PRH1: variants seen among roughly 807,000 people sequenced by gnomAD.
PRH1 encodes salivary acidic proline-rich phosphoprotein 1/2.
Under a neutral mutation model 7.9 loss-of-function variants are expected in PRH1, and 7 were observed. The observed-to-expected ratio is 0.89, with a 90% CI of 0.50 to 1.67. PRH1 has a LOEUF of 1.67. Among genes scored for constraint, PRH1 ranks in the 40% most tolerant of loss-of-function variants. The pLI is 0.00. For missense variants in PRH1, 109 were observed against 223.6 expected (o/e 0.49, Z 3.27); for synonymous variants, 45 against 80.8 (o/e 0.56, Z 2.38).
rs1943651386 is a variant in PRH1 at position 11,062,418 on chromosome 12, T to G, written n.124-15230A>C. 7 of 1,282,550 alleles carry G rather than the reference T, an allele frequency of 5.5e-6. No homozygotes were observed. In the South Asian group the frequency reaches 1.2e-4, roughly 22 times the overall value. The allele number at this position is 1,282,550 out of a possible 1,614,324, so 79.4% of individuals were successfully genotyped here. ...TGTGTATGTGCTGTGACATTCTTTT[T>G]ACTTTTAATTGCTGTGACCAGTGTC... On this transcript the variant is annotated intron_variant and non_coding_transcript_variant, in intron 1 of 4. Coordinates refer to the PRH1 transcript ENST00000541977.
Position 10,938,433 on chromosome 12 carries a change from C to T in PRH1, c.-59+35222G>A, listed in dbSNP as rs988801665. ...ACCTGGGAAAGAATAATTAGATTTT[C>T]CTCCAACCTTTCAGAGGTCCAAACT... On this transcript the variant is annotated intron_variant, in intron 2 of 3. Coordinates refer to the PRH1 transcript ENST00000539853. 7 of 1,613,884 alleles carry T rather than the reference C, an allele frequency of 4.3e-6. No homozygotes were observed. In the African/African-American group the frequency reaches 9.3e-5, roughly 22 times the overall value.
At chr12:10,900,480 A>G (rs1221382690) in intron 2 of PRH1, among the ~76,000 whole-genome samples, 1 of 151,806 alleles carries the variant, frequency 6.6e-6, no homozygotes, top group African/African-American at 2.4e-5. Context: ...CACCTGCTTT[A>G]GAGCAGGGTG....
chr12:10,937,266 G>C (rs1183303696), intron 2 of PRH1: 1 of 150,888 alleles, frequency 6.6e-6, no homozygotes, highest in Non-Finnish European at 1.5e-5. Flanking sequence ...GTATGAATAT[G>C]TATATTGTAT....
At position 11,123,606 on chromosome 12, in the gene PRH1, A is replaced by T. The variant is rs1945992676; in HGVS notation, n.40-2426T>A. On this transcript the variant is annotated intron_variant and non_coding_transcript_variant, in intron 1 of 1. Transcript: ENST00000541175. Reference sequence around the variant, plus strand: ...TGTTCAACTTTGTATTTTCAGTACAACTTTGTATTTTCTCTTGCTCTATTT... The same window carrying T: ...TGTTCAACTTTGTATTTTCAGTACATCTTTGTATTTTCTCTTGCTCTATTT... Among the ~76,000 whole-genome samples the T allele has an allele frequency of 2.0e-5, 3 of 152,066 alleles. No individual in the cohort carries two copies. The South Asian group carries it at 6.2e-4, about 32-fold the overall frequency.
At chr12:11,124,128 A>G (rs2136332524) in intron 1 of PRH1, among the ~76,000 whole-genome samples, 1 of 149,796 alleles carries the variant, frequency 6.7e-6, no homozygotes, top group Middle Eastern at 3.4e-3. Context: ...TTGGGATAGT[A>G]GCTTGTCTTG....
intron 1 of PRH1, chr12:11,077,157 CAT>C (rs1247041528): frequency 9.5e-6 from 1 of 104,756 alleles, no homozygotes; most frequent in East Asian, 2.4e-4. Context: ...CACATGCACA[CAT>C]ATACAACCAT....
At chr12:11,056,723 C>T (rs1245622628) in intron 1 of PRH1, among the ~76,000 whole-genome samples, 1 of 152,026 alleles carries the variant, frequency 6.6e-6, no homozygotes, top group African/African-American at 2.4e-5. Context: ...ATGGCTGCAG[C>T]AAAAGAATCA....
chr12:10,944,941 G>T (rs925194599), intron 2 of PRH1, among the ~76,000 whole-genome samples: 2 of 152,086 alleles, frequency 1.3e-5, no homozygotes, highest in East Asian at 3.8e-4. Flanking sequence ...TTTTTGATGG[G>T]CTTGTGGATT....
intron 2 of PRH1, among the ~76,000 whole-genome samples, chr12:10,945,421 A>T (rs147049106): frequency 0.015 from 2,306 of 152,264 alleles, 21 homozygotes; most frequent in South Asian, 0.031. Flanking sequence ...GAGACATCAC[A>T]TGTTGGCAGG....
At chr12:10,943,520 T>C (rs1190953616) in intron 2 of PRH1, among the ~76,000 whole-genome samples, 1 of 152,160 alleles carries the variant, frequency 6.6e-6, no homozygotes, top group Non-Finnish European at 1.5e-5. Flanking sequence ...ATTCTGTAGG[T>C]TGTCGATTTA....
At chr12:10,914,355 A>T (rs718111) in intron 2 of PRH1, among the ~76,000 whole-genome samples, 74,670 of 152,066 alleles carry the variant, frequency 0.49, 20,774 homozygotes, top group East Asian at 0.72. Flanking sequence ...ATGAGAATAC[A>T]TGTGCCATAG....
intron 2 of PRH1, among the ~76,000 whole-genome samples, chr12:10,903,450 T>A (rs1317141120): frequency 6.6e-6 from 1 of 151,992 alleles, no homozygotes; most frequent in South Asian, 2.1e-4. Flanking sequence ...GGACAGATCA[T>A]TGAGGCAGAA....
At chr12:10,980,833 T>G (rs1382279124) in intron 1 of PRH1, among the ~76,000 whole-genome samples, 1 of 152,034 alleles carries the variant, frequency 6.6e-6, no homozygotes, top group Non-Finnish European at 1.5e-5. Flanking sequence ...TAAACTATAT[T>G]CAGTACTGCT....
rs546548820 is a variant in PRH1 at position 11,092,294 on chromosome 12, T to G, written n.124-45106A>C. 7.7e-5 allele frequency: 84 copies of G among 1,091,226 alleles called. 1 individual carries two copies. In the South Asian group the frequency reaches 1.1e-3, roughly 14 times the overall value. The allele number at this position is 1,091,226 out of a possible 1,614,324, so 67.6% of individuals were successfully genotyped here. A position where few individuals can be genotyped will look rare whatever the true frequency, so the allele number is the denominator to read the frequency against. On this transcript the variant is annotated intron_variant and non_coding_transcript_variant, in intron 1 of 4. Transcript: ENST00000541977. ...TGTGTCCGGAATTGGTTCCTGCAGG[T>G]GGGTTCGTGGTCTCGCTGACTTCAA...
At chr12:10,907,511 GTA>G (rs1198154202) in intron 2 of PRH1, among the ~76,000 whole-genome samples, 1 of 111,748 alleles carries the variant, frequency 8.9e-6, no homozygotes, top group African/African-American at 2.6e-5. Context: ...CTCTATAACT[GTA>G]TGTGTGTGTG....
At chr12:10,921,971 A>G (rs1170704006) in intron 2 of PRH1, among the ~76,000 whole-genome samples, 4 of 152,084 alleles carry the variant, frequency 2.6e-5, no homozygotes, top group Admixed American at 6.6e-5. Context: ...GGGTCTCACC[A>G]TATTGCCCAG....
At chr12:11,068,344 T>C (rs1461992313) in intron 1 of PRH1, among the ~76,000 whole-genome samples, 5 of 152,224 alleles carry the variant, frequency 3.3e-5, no homozygotes, top group Non-Finnish European at 5.9e-5. Context: ...ATACTGAATG[T>C]ATTTTTCCAT....
At chr12:11,150,711 C>T (rs1169960694) in intron 1 of PRH1, among the ~76,000 whole-genome samples, 1 of 152,066 alleles carries the variant, frequency 6.6e-6, no homozygotes, top group Non-Finnish European at 1.5e-5. Context: ...AGGAGATATA[C>T]CTAATGCTAA....
At chr12:10,973,361 T>G (rs1030830852) in intron 2 of PRH1, 10 of 257,448 alleles carry the variant, frequency 3.9e-5, no homozygotes, top group African/African-American at 2.2e-4. Flanking sequence ...CTTTTCAGTT[T>G]TGATAATATA....
Sources: gnomAD v4.1 joint callset for allele counts (sites outside exome capture counted in the v4.1 genomes callset) on GRCh38, gnomAD v4.1.1 for gene constraint, MANE v1.5 for transcripts, NCBI Gene and HGNC (gene_info 2026-07-23, HGNC 2026-07-21) for gene names.